Variants in COL9A3 observed in about 807,000 individuals in gnomAD.
COL9A3 encodes the protein collagen alpha-3(IX) chain.
Under a neutral mutation model 110.2 loss-of-function variants are expected in COL9A3, and 82 were observed. The ratio of observed to expected loss-of-function variants is 0.74; its 90% CI spans 0.62 to 0.89. The LOEUF is 0.89. Among genes scored for constraint, COL9A3 ranks in the 40% least tolerant of loss-of-function variants. The pLI is 0.00. For synonymous variants in COL9A3, 494 were observed against 403.8 expected (o/e 1.22, Z -2.68); for missense variants, 1,066 against 981.3 (o/e 1.09, Z -1.15).
rs374277799 is a variant in COL9A3, at chr20:62,835,938, C to A, written c.1386C>A (p.Val462=). 2 of 1,614,052 alleles carry A rather than the reference C, an allele frequency of 1.2e-6. No individual in the cohort carries two copies. The highest frequency in any genetic ancestry group is 2.2e-5 in the South Asian group (2 of 91,040). Residue 462 remains valine (V), a synonymous_variant, in exon 27 of 32, where the codon GTC becomes GTA. Coordinates refer to ENST00000649368, the MANE Select transcript of COL9A3 (RefSeq NM_001853.4). ...DKGELGPSGL[V]GPKGESGSRG... is the part of the protein sequence containing the mutation. Reference sequence around the variant, plus strand: ...CTTCACAGGGTCCCAGCGGCCTGGTCGGACCCAAAGGAGAGGTGAGTGCCC... The same window carrying A: ...CTTCACAGGGTCCCAGCGGCCTGGTAGGACCCAAAGGAGAGGTGAGTGCCC...
chr20:62,841,020 T>A lies in COL9A3; in HGVS notation c.*288T>A. 2.4e-6 allele frequency: 1 copy of A among 417,140 alleles called. No homozygotes were observed. The highest frequency in any genetic ancestry group is 4.4e-6 in the Non-Finnish European group (1 of 226,968). 25.8% of individuals were successfully genotyped at this position (417,140 alleles called of 1,614,324 possible). On this transcript the variant is annotated 3_prime_UTR_variant, in exon 32 of 32. Coordinates refer to ENST00000649368, the MANE Select transcript of COL9A3 (RefSeq NM_001853.4). ...TACAACTCCACGAGGTGAAAAATATTCAGTAACTTGTTTACATAGCATTTG... is the reference window on the plus strand; with the variant it reads ...TACAACTCCACGAGGTGAAAAATATACAGTAACTTGTTTACATAGCATTTG...
At chr20:62,819,513 C>T (rs1247711644) in intron 4 of COL9A3, among the ~76,000 whole-genome samples, 6 of 152,230 alleles carry the variant, frequency 3.9e-5, no homozygotes, top group Non-Finnish European at 1.5e-5. Flanking sequence ...TCGGAAGTCC[C>T]GCCAGCCCTC....
intron 10 of COL9A3, among the ~76,000 whole-genome samples, chr20:62,823,883 C>G (rs769547467): frequency 6.6e-6 from 1 of 152,238 alleles, no homozygotes; most frequent in South Asian, 2.1e-4. Flanking sequence ...GCCGTGGGGC[C>G]GGCTGCTCCA....
intron 2 of COL9A3, chr20:62,817,999 C>G: frequency 2.6e-6 from 1 of 378,578 alleles, no homozygotes; most frequent in Non-Finnish European, 5.1e-6. Flanking sequence ...CTGCTGGGCT[C>G]TGGAGCCAGC....
chr20:62,825,690 TCCAA>T, intron 12 of COL9A3, 123 bp from the exon 13 acceptor site: 1 of 970,034 alleles, frequency 1.0e-6, no homozygotes, highest in Non-Finnish European at 1.6e-6. Context: ...TCACAGAGCC[TCCAA>T]GGCCCAGCTG....
chr20:62,817,249 T>C, intron 1 of COL9A3, 107 bp downstream of exon 1: 7 of 847,684 alleles, frequency 8.3e-6, no homozygotes, highest in Non-Finnish European at 1.1e-5. Context: ...CCCCAGCCCG[T>C]GTCGCCGTCG....
rs139573483 is a variant in COL9A3, at chr20:62,826,783, G to A, written c.755G>A (p.Arg252Gln). 4,887 of 1,612,796 alleles carry A rather than the reference G, an allele frequency of 3.0e-3. 10 individuals carry two copies. The highest frequency in any genetic ancestry group is 3.6e-3 in the Non-Finnish European group (4,281 of 1,179,950). The change falls in exon 15 of 32, where the codon CGA becomes CAA. Residue 252 changes from arginine to glutamine, a missense_variant. Arg to Gln is a conservative substitution (Grantham distance 43). Coordinates refer to ENST00000649368, the MANE Select transcript of COL9A3 (RefSeq NM_001853.4). ...PPGDRGPIGF[R>Q]GPPGIPGAPG... ...CCTCTGCAGGGTCCCATTGGGTTCC[G>A]AGGGCCGCCTGGGATCCCAGGAGCG...
In COL9A3 at chr20:62,817,645, G is replaced by C. The variant is rs762472200; in HGVS notation, c.147+10G>C. ...CCAGGACGGCATTGACGTGAGTTTG[G>C]GGGTGGGGAGGGCCCCGAGCGCTCT... On this transcript the variant is annotated intron_variant, in intron 2 of 31. Transcript: ENST00000649368. The C allele has an allele frequency of 7.2e-6, 11 of 1,527,728 alleles. No homozygotes were observed. Among genetic ancestry groups the C allele is most frequent in the South Asian group, 1.2e-5 (1 of 82,586 alleles). 94.6% of individuals were successfully genotyped at this position (1,527,728 alleles called of 1,614,324 possible).
rs777726382 is a variant in COL9A3, at chr20:62,830,597, C to T, written c.1287+9C>T. 10 of 1,594,984 alleles carry T rather than the reference C, an allele frequency of 6.3e-6. No individual in the cohort carries two copies. In the African/African-American group the frequency reaches 1.2e-4, roughly 19 times the overall value. On this transcript the variant is annotated intron_variant, in intron 24 of 31. Coordinates refer to ENST00000649368, the MANE Select transcript of COL9A3 (RefSeq NM_001853.4). ...GTGACGTGGGCGACCGGGTAAGTGG[C>T]CCTCTCAGCAGGAAGCTCCCCTGCA...
chr20:62,837,105 G>A lies in COL9A3; in HGVS notation c.1626G>A (p.Ala542=), dbSNP rs756770871. ...AAGAACAAATTGCACAGTTAGCCGC[G>A]CACCTAAGGAAGCCTTTGGCACCCG... The part of the protein sequence containing the change: ...MISEQIAQLA[A]HLRKPLAPGS... The change falls in exon 30 of 32, where the codon GCG becomes GCA. Residue 542 remains alanine, a synonymous_variant. Coordinates refer to ENST00000649368, the MANE Select transcript of COL9A3 (RefSeq NM_001853.4). The A allele has an allele frequency of 2.9e-5, 47 of 1,613,334 alleles. No individual in the cohort carries two copies. The highest frequency in any genetic ancestry group is 2.9e-4 in the South Asian group (26 of 91,092).
At chr20:62,834,589 CTTTT>C (rs1304158236) in intron 26 of COL9A3, among the ~76,000 whole-genome samples, 1 of 152,186 alleles carries the variant, frequency 6.6e-6, no homozygotes, top group Non-Finnish European at 1.5e-5. Flanking sequence ...CCAGTGTAAA[CTTTT>C]TATGCCTGGG....
chr20:62,832,368 G>A (rs1007038573), intron 25 of COL9A3, among the ~76,000 whole-genome samples, 179 bp downstream of exon 25: 3 of 152,232 alleles, frequency 2.0e-5, no homozygotes, highest in African/African-American at 7.2e-5. Context: ...TTAGCACAGC[G>A]AAAGCAGCTC....
intron 15 of COL9A3, 144 bp from the exon 16 acceptor site, chr20:62,827,097 G>T (rs2063559017): frequency 2.5e-6 from 2 of 806,674 alleles, no homozygotes; most frequent in South Asian, 1.4e-5. Flanking sequence ...CTCCTGGAGG[G>T]CCCAGGCCTG....
chr20:62,817,684 T>G, intron 2 of COL9A3, 49 bp downstream of exon 2: 1 of 1,300,604 alleles, frequency 7.7e-7, no homozygotes, highest in Admixed American at 2.5e-5. Flanking sequence ...GTTCTGGCTC[T>G]GGCCCCCACC....
chr20:62,839,945 C>T (rs1251656558), intron 31 of COL9A3, among the ~76,000 whole-genome samples: 1 of 152,168 alleles, frequency 6.6e-6, no homozygotes, highest in Admixed American at 6.5e-5. Flanking sequence ...ACCTGGTGTC[C>T]AAACGCACAG....
At chr20:62,819,134 G>T (rs1991033626) in intron 3 of COL9A3, 88 bp from the exon 4 acceptor site, 7 of 1,298,222 alleles carry the variant, frequency 5.4e-6, no homozygotes, top group South Asian at 3.7e-5. Context: ...GGGCTGGGGG[G>T]AAGTGGAAAG....
intron 27 of COL9A3, 59 bp from the exon 28 acceptor site, chr20:62,836,128 C>CG: frequency 6.2e-7 from 1 of 1,603,184 alleles, no homozygotes. Context: ...AAGAGCACGT[C>CG]GGGGTGGCTC....
intron 10 of COL9A3, among the ~76,000 whole-genome samples, 158 bp from the exon 11 acceptor site, chr20:62,824,287 G>C (rs73317095): frequency 2.0e-5 from 3 of 149,664 alleles, no homozygotes; most frequent in Admixed American, 6.6e-5. Flanking sequence ...TCACTGATGC[G>C]GAGTGGCCTC....
chr20:62,820,092 C>T, intron 5 of COL9A3, 110 bp downstream of exon 5: 1 of 1,305,486 alleles, frequency 7.7e-7, no homozygotes, highest in East Asian at 2.4e-5. Flanking sequence ...CCAAGGACAG[C>T]TGCCCTGCCC....
Sources: allele counts gnomAD v4.1 joint callset (sites outside exome capture counted in the v4.1 genomes callset), GRCh38; gene constraint gnomAD v4.1.1; transcripts MANE v1.5; gene names NCBI Gene and HGNC (gene_info 2026-07-23, HGNC 2026-07-21).